The following NCALD variants were observed in gnomAD, a reference collection of about 807,000 sequenced individuals.
NCALD encodes the protein neurocalcin-delta.
NCALD carries 10 observed loss-of-function variants against 18.6 expected under a neutral mutation model. The ratio of observed to expected loss-of-function variants is 0.54; its 90% CI spans 0.33 to 0.91. The LOEUF is 0.91. Among genes scored for constraint, NCALD ranks in the 40% least tolerant of loss-of-function variants. The pLI is 0.03. For synonymous variants in NCALD, 88 were observed against 87.4 expected, an observed-to-expected ratio of 1.01 and a Z score of -0.04; for missense variants, 184 against 247.6, an observed-to-expected ratio of 0.74 and a Z score of 1.72.
chr8:101,734,642 T>C (rs1203186278), intron 1 of NCALD, among the ~76,000 whole-genome samples: 2 of 152,254 alleles, frequency 1.3e-5, no homozygotes, highest in Non-Finnish European at 2.9e-5. Flanking sequence ...CACCTCTTCC[T>C]TGTTGGACAC....
intron 4 of NCALD, among the ~76,000 whole-genome samples, chr8:101,883,470 C>G (rs1303822727): frequency 2.6e-5 from 4 of 152,220 alleles, no homozygotes; most frequent in African/African-American, 9.7e-5. Context: ...TCCTCCTCCC[C>G]TCACCACTCC....
chr8:101,959,221 T>G (rs1819747070), intron 2 of NCALD, among the ~76,000 whole-genome samples: 1 of 152,084 alleles, frequency 6.6e-6, no homozygotes, highest in South Asian at 2.1e-4. Flanking sequence ...TACAGGCTAG[T>G]TATTTTTTTT....
chr8:101,957,798 T>A (rs915484344), intron 2 of NCALD, among the ~76,000 whole-genome samples: 1 of 152,044 alleles, frequency 6.6e-6, no homozygotes, highest in Non-Finnish European at 1.5e-5. Flanking sequence ...GTAATGCAGA[T>A]CTCCTAAGAA....
intron 4 of NCALD, among the ~76,000 whole-genome samples, chr8:101,880,078 G>T (rs117153637): frequency 5.4e-5 from 8 of 149,086 alleles, no homozygotes; most frequent in African/African-American, 1.7e-4. Context: ...CCCATGGTGT[G>T]GGGGGGAGGG....
Position 101,688,855 on chromosome 8 carries a change from G to A in NCALD, c.*454C>T, listed in dbSNP as rs1814576908. On this transcript the variant is annotated 3_prime_UTR_variant, in exon 4 of 4. Transcript: ENST00000220931. ...ACCCCAGAGGGTAACTTGTTCTTGG[G>A]GAATCCAGCATCCGGTGCCATCCAT... is the stretch of plus-strand genomic sequence containing the variant. 3 of 624,328 alleles carry A rather than the reference G, an allele frequency of 4.8e-6. No homozygotes were observed. The East Asian group carries it at 8.5e-5, about 18-fold the overall frequency. 38.7% of individuals were successfully genotyped at this position (624,328 alleles called of 1,614,324 possible).
chr8:101,864,609 T>TC (rs1554648012), intron 4 of NCALD, among the ~76,000 whole-genome samples: 18 of 151,464 alleles, frequency 1.2e-4, no homozygotes, highest in Admixed American at 7.2e-4. Flanking sequence ...TTTTTTTTTT[T>TC]CTGAGACGGA....
intron 2 of NCALD, among the ~76,000 whole-genome samples, chr8:101,918,296 C>T (rs1475390522): frequency 3.3e-5 from 5 of 151,942 alleles, no homozygotes; most frequent in Non-Finnish European, 2.9e-5. Flanking sequence ...CATGATAAAA[C>T]CCCTCAAGAA....
At chr8:102,040,892 T>C (rs1823028313) in intron 1 of NCALD, among the ~76,000 whole-genome samples, 1 of 152,134 alleles carries the variant, frequency 6.6e-6, no homozygotes, top group Admixed American at 6.6e-5. Context: ...TATGCCAGGG[T>C]TGCTGTGGTC....
intron 1 of NCALD, among the ~76,000 whole-genome samples, chr8:102,062,084 T>C (rs1476131605): frequency 6.6e-6 from 1 of 152,226 alleles, no homozygotes; most frequent in East Asian, 1.9e-4. Flanking sequence ...TAAGATCACA[T>C]CTACCTATAT....
intron 2 of NCALD, among the ~76,000 whole-genome samples, chr8:101,925,222 C>T (rs1334614328): frequency 6.6e-6 from 1 of 152,026 alleles, no homozygotes; most frequent in Non-Finnish European, 1.5e-5. Flanking sequence ...GCGATGCTCC[C>T]CTTGGAAGAG....
chr8:101,963,758 A>G (rs983553086), intron 2 of NCALD, among the ~76,000 whole-genome samples: 1 of 152,182 alleles, frequency 6.6e-6, no homozygotes, highest in East Asian at 1.9e-4. Flanking sequence ...TGTAAATTCA[A>G]ATGAGGGCAT....
intron 1 of NCALD, among the ~76,000 whole-genome samples, chr8:102,106,256 A>AGG (rs200130920): frequency 2.0e-5 from 3 of 151,234 alleles, no homozygotes; most frequent in Non-Finnish European, 4.4e-5. Context: ...TATTTTTAGT[A>AGG]GGGGGGGTGG....
chr8:101,857,029 A>C (rs1815347378), intron 4 of NCALD, among the ~76,000 whole-genome samples: 1 of 152,108 alleles, frequency 6.6e-6, no homozygotes, highest in Non-Finnish European at 1.5e-5. Context: ...TCTCTTCCCC[A>C]CCGTGCTGTG....
intron 4 of NCALD, among the ~76,000 whole-genome samples, chr8:101,849,123 G>C (rs1390563390): frequency 6.6e-6 from 1 of 152,144 alleles, no homozygotes; most frequent in Non-Finnish European, 1.5e-5. Flanking sequence ...ACCAAACACT[G>C]CATGTTCTAC....
At chr8:101,789,489 T>G (rs1463895357) in intron 1 of NCALD, among the ~76,000 whole-genome samples, 1 of 152,190 alleles carries the variant, frequency 6.6e-6, no homozygotes, top group Non-Finnish European at 1.5e-5. Flanking sequence ...GTTATTCACT[T>G]ATTACTGTAG....
At chr8:101,808,117 C>A (rs1813171997) in intron 4 of NCALD, among the ~76,000 whole-genome samples, 1 of 152,140 alleles carries the variant, frequency 6.6e-6, no homozygotes, top group Non-Finnish European at 1.5e-5. Context: ...GATCTTACAG[C>A]TGTTAAGAAA....
intron 1 of NCALD, among the ~76,000 whole-genome samples, chr8:102,113,915 T>C (rs1825708434): frequency 6.6e-6 from 1 of 152,236 alleles, no homozygotes; most frequent in Admixed American, 6.5e-5. Flanking sequence ...AGTGAAAACT[T>C]GATAATCATT....
chr8:101,738,062 A>T (rs1810004481), intron 1 of NCALD, among the ~76,000 whole-genome samples: 2 of 152,224 alleles, frequency 1.3e-5, no homozygotes, highest in African/African-American at 4.8e-5. Context: ...GTCTGTGGTC[A>T]TCTTTTCAGA....
chr8:101,872,958 G>A (rs1022937119), intron 4 of NCALD, among the ~76,000 whole-genome samples: 1 of 152,152 alleles, frequency 6.6e-6, no homozygotes, highest in African/African-American at 2.4e-5. Flanking sequence ...GAGGAAATGA[G>A]GATCTCTGCA....
Sources: gnomAD v4.1 joint callset for allele counts (sites outside exome capture counted in the v4.1 genomes callset) on GRCh38, gnomAD v4.1.1 for gene constraint, MANE v1.5 for transcripts, NCBI Gene and HGNC (gene_info 2026-07-23, HGNC 2026-07-21) for gene names.